The following BCAR3 variants were observed in gnomAD, a reference collection of about 807,000 sequenced individuals.
BCAR3 encodes breast cancer anti-estrogen resistance protein 3.
A neutral mutation model predicts 80.1 loss-of-function variants in BCAR3; 37 were observed. The observed-to-expected ratio is 0.46, with a 90% CI of 0.36 to 0.61. The LOEUF is 0.61. BCAR3 is among the 20% of genes least tolerant of loss of function. The pLI, the probability that BCAR3 is intolerant of heterozygous loss-of-function variation, is 0.00. For missense variants in BCAR3, 978 were observed against 1,068.2 expected, an observed-to-expected ratio of 0.92 and a Z score of 1.18; for synonymous variants, 389 against 418.9, an observed-to-expected ratio of 0.93 and a Z score of 0.87.
chr1:93,565,464 C>T (rs1672905136), intron 11 of BCAR3, among the ~76,000 whole-genome samples: 1 of 152,192 alleles, frequency 6.6e-6, no homozygotes, highest in South Asian at 2.1e-4. Flanking sequence ...CCTGGGTTCA[C>T]TGTCACTTAC....
intron 1 of BCAR3, chr1:93,846,768 G>T: frequency 2.3e-6 from 1 of 440,064 alleles, no homozygotes; most frequent in East Asian, 1.0e-4. Flanking sequence ...CGGGGCAGCT[G>T]CGCGGCGTCC....
chr1:93,761,783 A>G (rs186838096), intron 2 of BCAR3, among the ~76,000 whole-genome samples: 1 of 152,294 alleles, frequency 6.6e-6, no homozygotes. Flanking sequence ...AAGAAATTCA[A>G]TAACACAAAG....
intron 3 of BCAR3, among the ~76,000 whole-genome samples, chr1:93,641,466 A>G (rs3767991): frequency 0.033 from 5,053 of 152,306 alleles, 116 homozygotes; most frequent in East Asian, 0.1. Flanking sequence ...AAGAAACCAA[A>G]TGTGAGAATC....
At chr1:93,756,320 C>T (rs534065737) in intron 2 of BCAR3, among the ~76,000 whole-genome samples, 150 of 152,230 alleles carry the variant, frequency 9.9e-4, no homozygotes, top group African/African-American at 3.5e-3. Context: ...CACTCTTAAC[C>T]CCTTCCCAAG....
At chr1:93,703,566 T>TAAAAA (rs1439567076) in intron 3 of BCAR3, among the ~76,000 whole-genome samples, 5,357 of 44,508 alleles carry the variant, frequency 0.12, 387 homozygotes, top group African/African-American at 0.18. Context: ...CCCTGTCTCT[T>TAAAAA]AAAAAGAAAA....
At chr1:93,689,016 T>C (rs771144804) in intron 3 of BCAR3, among the ~76,000 whole-genome samples, 1 of 152,158 alleles carries the variant, frequency 6.6e-6, no homozygotes, top group Admixed American at 6.5e-5. Flanking sequence ...AACAAAGTTT[T>C]AAAAATTCAT....
At chr1:93,833,534 CAGA>C (rs1654651693) in intron 2 of BCAR3, among the ~76,000 whole-genome samples, 1 of 152,190 alleles carries the variant, frequency 6.6e-6, no homozygotes. Flanking sequence ...CTGCATAAGA[CAGA>C]CACTCCCAGA....
chr1:93,696,116 T>C (rs891949617), intron 3 of BCAR3, among the ~76,000 whole-genome samples: 7 of 151,892 alleles, frequency 4.6e-5, no homozygotes, highest in South Asian at 2.1e-4. Context: ...TCAAAGCTCA[T>C]TGTAGCCTTG....
intron 2 of BCAR3, among the ~76,000 whole-genome samples, chr1:93,764,549 C>T (rs560554750): frequency 2.9e-4 from 44 of 152,228 alleles, no homozygotes; most frequent in Non-Finnish European, 5.0e-4. Context: ...ATCTCTGCTG[C>T]GGCTATCACC....
rs1673752807 is a variant in BCAR3 at position 93,582,480 on chromosome 1, C to T, written c.1507G>A (p.Glu503Lys). 3.1e-6 allele frequency: 5 copies of T among 1,614,156 alleles called. No individual in the cohort carries two copies. The highest frequency in any genetic ancestry group is 2.2e-5 in the East Asian group (1 of 44,878). ...QMEKGQWDKG[E>K]FVTPLLETVS... The stretch of plus-strand genomic sequence containing the variant: ...GTCTCCAGGAGGGGCGTCACAAACT[C>T]GCCCTTGTCCCACTGCCCCTTCTCC... Residue 503 changes from glutamate (E) to lysine (K), a missense_variant, in exon 7 of 12, where the codon GAG becomes AAG. Transcript: ENST00000260502.
At chr1:93,704,478 A>C (rs978635578) in intron 3 of BCAR3, among the ~76,000 whole-genome samples, 7 of 152,180 alleles carry the variant, frequency 4.6e-5, no homozygotes, top group African/African-American at 9.7e-5. Context: ...AGAAGTAGAG[A>C]TACTTGGCCA....
At chr1:93,598,351 A>C (rs1183435776) in intron 3 of BCAR3, among the ~76,000 whole-genome samples, 1 of 152,240 alleles carries the variant, frequency 6.6e-6, no homozygotes, top group Non-Finnish European at 1.5e-5. Flanking sequence ...AAAAGGTGGC[A>C]TCTGCATTAT....
intron 3 of BCAR3, among the ~76,000 whole-genome samples, chr1:93,640,753 G>T (rs1675951242): frequency 6.6e-6 from 1 of 152,188 alleles, no homozygotes; most frequent in South Asian, 2.1e-4. Context: ...TTTAGCTTGA[G>T]AATGCACTAC....
At chr1:93,577,339 C>T (rs1241489199) in intron 7 of BCAR3, among the ~76,000 whole-genome samples, 2 of 152,122 alleles carry the variant, frequency 1.3e-5, no homozygotes, top group African/African-American at 2.4e-5. Flanking sequence ...CAAAACACAT[C>T]TGGATGTTTA....
At chr1:93,771,566 G>C (rs192314893) in intron 2 of BCAR3, among the ~76,000 whole-genome samples, 2 of 152,310 alleles carry the variant, frequency 1.3e-5, no homozygotes, top group Admixed American at 1.3e-4. Flanking sequence ...GGCAGATTTG[G>C]AATAGGTAAA....
rs752627611 is a variant in BCAR3, at chr1:93,589,043, C to T, written c.863G>A (p.Arg288Lys). 5.8e-5 allele frequency: 94 copies of T among 1,610,458 alleles called. No individual in the cohort carries two copies. Among genetic ancestry groups the T allele is most frequent in the South Asian group, 2.6e-4 (24 of 90,850 alleles). ...LTKGRPDVAK[R>K]LSLTMGGVQA... ...GACGCCACCCATGGTGAGGCTCAGC[C>T]TCTTGGCCACATCCGGCCTTCCCTT... is the stretch of plus-strand genomic sequence containing the variant. The change falls in exon 5 of 12, where the codon AGG becomes AAG. Residue 288 changes from arginine (R) to lysine (K), a missense_variant. Physicochemically the swap from Arg to Lys is conservative, Grantham distance 26. Coordinates refer to ENST00000260502, the MANE Select transcript of BCAR3 (RefSeq NM_003567.4).
chr1:93,609,404 C>T (rs1308215447), intron 3 of BCAR3, among the ~76,000 whole-genome samples: 2 of 152,150 alleles, frequency 1.3e-5, no homozygotes, highest in Non-Finnish European at 2.9e-5. Flanking sequence ...CACACCCCAA[C>T]CTCTCTATCT....
chr1:93,805,902 G>C (rs541862685), intron 2 of BCAR3, among the ~76,000 whole-genome samples: 1 of 152,118 alleles, frequency 6.6e-6, no homozygotes, highest in East Asian at 1.9e-4. Context: ...AGAAGAGGAT[G>C]TTATGAAAAA....
chr1:93,704,806 C>G (rs781385235), intron 3 of BCAR3, among the ~76,000 whole-genome samples: 17 of 152,142 alleles, frequency 1.1e-4, no homozygotes, highest in Non-Finnish European at 2.4e-4. Flanking sequence ...AGGAGAGCAG[C>G]AATTCTTCTT....
Sources: allele counts gnomAD v4.1 joint callset (sites outside exome capture counted in the v4.1 genomes callset), GRCh38; gene constraint gnomAD v4.1.1; transcripts MANE v1.5; gene names NCBI Gene and HGNC (gene_info 2026-07-23, HGNC 2026-07-21).